FBN2: variants seen among roughly 807,000 people sequenced by gnomAD.
FBN2 encodes fibrillin-2.
FBN2 carries 105 observed loss-of-function variants against 355.6 expected under a neutral mutation model. That is an observed-to-expected ratio of 0.30 (90% CI 0.25 to 0.35). The LOEUF is 0.35. Ranked by LOEUF, FBN2 falls within the 10% of genes least tolerant of loss-of-function variation. The pLI is 1.00. For synonymous variants in FBN2, 1,350 were observed against 1,301.2 expected, an observed-to-expected ratio of 1.04 and a Z score of -0.81; for missense variants, 3,280 against 3,758.7, an observed-to-expected ratio of 0.87 and a Z score of 3.33.
chr5:128,461,548 C>T (rs78240355), intron 6 of FBN2, among the ~76,000 whole-genome samples: 1 of 152,164 alleles, frequency 6.6e-6, no homozygotes, highest in Non-Finnish European at 1.5e-5. Context: ...GACACATGCA[C>T]ACATATGTTT....
intron 5 of FBN2, among the ~76,000 whole-genome samples, chr5:128,512,261 C>T (rs1756149893): frequency 2.0e-5 from 3 of 152,128 alleles, no homozygotes; most frequent in Non-Finnish European, 4.4e-5. Flanking sequence ...CCTGTAATCC[C>T]AGCACTTTCG....
chr5:128,432,783 T>A (rs1382232281), intron 7 of FBN2, among the ~76,000 whole-genome samples: 2 of 152,172 alleles, frequency 1.3e-5, no homozygotes, highest in Non-Finnish European at 2.9e-5. Flanking sequence ...TAGTCTGTTT[T>A]CACACTGCTA....
intron 3 of FBN2, 65 bp from the exon 4 acceptor site, chr5:128,528,032 G>C (rs1436198659): frequency 2.9e-6 from 3 of 1,031,592 alleles, no homozygotes; most frequent in Non-Finnish European, 4.6e-6. Context: ...TATGTGAGAG[G>C]TTATAAAACT....
At chr5:128,415,247 T>G (rs1389172476) in intron 7 of FBN2, among the ~76,000 whole-genome samples, 1 of 152,136 alleles carries the variant, frequency 6.6e-6, no homozygotes, top group Non-Finnish European at 1.5e-5. Context: ...AAATATAAAA[T>G]ACCTTGTTGT....
chr5:128,522,448 G>A (rs1331580462), intron 4 of FBN2, among the ~76,000 whole-genome samples: 1 of 152,132 alleles, frequency 6.6e-6, no homozygotes, highest in Admixed American at 6.5e-5. Context: ...AGACTTAACA[G>A]TTCCTCCCCT....
At chr5:128,367,293 G>A (rs932013501) in intron 16 of FBN2, among the ~76,000 whole-genome samples, 4 of 151,870 alleles carry the variant, frequency 2.6e-5, no homozygotes, top group African/African-American at 4.8e-5. Flanking sequence ...CATTATCACC[G>A]GGAAGAATCA....
chr5:128,287,536 T>C, intron 53 of FBN2, 106 bp from the exon 54 acceptor site: 1 of 1,234,386 alleles, frequency 8.1e-7, no homozygotes, highest in East Asian at 2.4e-5. Context: ...AGCAATAGAA[T>C]AGTAGAACTT....
At chr5:128,455,437 A>C (rs1355476735) in intron 6 of FBN2, among the ~76,000 whole-genome samples, 1 of 152,130 alleles carries the variant, frequency 6.6e-6, no homozygotes, top group African/African-American at 2.4e-5. Context: ...ATTTCATACC[A>C]CGCTAGGAGG....
intron 36 of FBN2, among the ~76,000 whole-genome samples, chr5:128,313,932 T>C (rs568998835): frequency 6.6e-6 from 1 of 151,928 alleles, no homozygotes; most frequent in Admixed American, 6.6e-5. Context: ...CTTTTTTTTT[T>C]AATCACTACC....
At chr5:128,300,431 T>C (rs958614999) in intron 48 of FBN2, among the ~76,000 whole-genome samples, 1 of 152,262 alleles carries the variant, frequency 6.6e-6, no homozygotes, top group Non-Finnish European at 1.5e-5. Flanking sequence ...AACAGCATTG[T>C]CGAGATTTTT....
chr5:128,359,973 T>C (rs978968272), intron 19 of FBN2, among the ~76,000 whole-genome samples: 6 of 152,130 alleles, frequency 3.9e-5, no homozygotes, highest in Admixed American at 3.9e-4. Flanking sequence ...TCTCTCACAA[T>C]AGCACCAGAA....
At chr5:128,359,966 C>T (rs1366255463) in intron 19 of FBN2, among the ~76,000 whole-genome samples, 8 of 152,112 alleles carry the variant, frequency 5.3e-5, no homozygotes, top group Non-Finnish European at 2.9e-5. Flanking sequence ...TTACGTGTCT[C>T]TCACAATAGC....
chr5:128,364,565 G>T (rs371138170), intron 18 of FBN2, 35 bp downstream of exon 18: 13 of 1,595,756 alleles, frequency 8.1e-6, no homozygotes, highest in Non-Finnish European at 1.1e-5. Flanking sequence ...TAAACTATAT[G>T]AAATGTTCTT....
intron 16 of FBN2, among the ~76,000 whole-genome samples, chr5:128,368,465 T>TACATATATATACACATATATAC (rs774735044): frequency 7.8e-6 from 1 of 128,214 alleles, no homozygotes; most frequent in African/African-American, 3.7e-5. Flanking sequence ...CACATATATA[T>TACATATATATACACATATATAC]ACATATATAT....
intron 5 of FBN2, among the ~76,000 whole-genome samples, chr5:128,518,755 AAGTG>A (rs1284968564): frequency 1.3e-5 from 2 of 152,144 alleles, no homozygotes; most frequent in Admixed American, 6.5e-5. Context: ...CTAGGACAAA[AAGTG>A]AAACATAAAG....
In FBN2 at chr5:128,263,638, T is replaced by C; in HGVS notation, c.7979A>G (p.Asn2660Ser). ...GGAAGCAGAGCCACAGGCATTGGGATTGGAGCATTCATTCTCATCTAGTGA... is the reference window on the plus strand; with the variant it reads ...GGAAGCAGAGCCACAGGCATTGGGACTGGAGCATTCATTCTCATCTAGTGA... ...NQCVDENECS[N>S]PNACGSASCY... is the part of the protein sequence containing the mutation. The change falls in exon 63 of 65, where the codon AAT (asparagine) becomes AGT (serine). Residue 2660 changes from asparagine (N) to serine (S), a missense_variant. By Grantham distance (46) the Asn-to-Ser change is conservative (BLOSUM62 1). Transcript: ENST00000262464. The C allele has an allele frequency of 6.2e-7, 1 of 1,613,752 alleles. No individual in the cohort carries two copies. The highest frequency in any genetic ancestry group is 1.1e-5 in the South Asian group (1 of 91,076).
intron 9 of FBN2, among the ~76,000 whole-genome samples, 189 bp downstream of exon 9, chr5:128,394,933 G>GCAC (rs1752608144): frequency 1.3e-5 from 2 of 152,240 alleles, no homozygotes; most frequent in Non-Finnish European, 2.9e-5. Context: ...TTACAGGCAT[G>GCAC]CACCACCATG....
At chr5:128,366,316 A>G in intron 17 of FBN2, 61 bp downstream of exon 17, 2 of 838,352 alleles carry the variant, frequency 2.4e-6, no homozygotes, top group Non-Finnish European at 3.9e-6. Flanking sequence ...TAATATTAGA[A>G]TTATAAAGCT....
intron 8 of FBN2, among the ~76,000 whole-genome samples, chr5:128,406,115 T>C (rs768184715): frequency 6.6e-6 from 1 of 152,184 alleles, no homozygotes; most frequent in African/African-American, 2.4e-5. Context: ...TCAACTCTCA[T>C]AGAAAGCTGA....
Sources: allele counts gnomAD v4.1 joint callset (sites outside exome capture counted in the v4.1 genomes callset), GRCh38; gene constraint gnomAD v4.1.1; transcripts MANE v1.5; gene names NCBI Gene and HGNC (gene_info 2026-07-23, HGNC 2026-07-21).